LRRC4B: variants seen among roughly 807,000 people sequenced by gnomAD.
LRRC4B encodes leucine rich repeat containing 4B.
In LRRC4B, 1 loss-of-function variant was observed where a neutral mutation model predicts 7.3. The observed-to-expected ratio is 0.14, with a 90% CI of 0.05 to 0.65. LRRC4B has a LOEUF of 0.65. Ranked by LOEUF, LRRC4B falls within the 30% of genes least tolerant of loss-of-function variation. The pLI, the probability that LRRC4B is intolerant of heterozygous loss-of-function variation, is 0.84. For missense variants in LRRC4B, 730 were observed against 1,041.6 expected, an observed-to-expected ratio of 0.70 and a Z score of 4.12; for synonymous variants, 500 against 499.2, an observed-to-expected ratio of 1.00 and a Z score of -0.02.
chr19:50,539,842 G>A (rs983820383), intron 2 of LRRC4B, among the ~76,000 whole-genome samples: 3 of 149,546 alleles, frequency 2.0e-5, no homozygotes, highest in Non-Finnish European at 4.4e-5. Flanking sequence ...AACCGAGATC[G>A]CGCCACTGCA....
At chr19:50,541,783 A>G (rs1368785469) in intron 2 of LRRC4B, among the ~76,000 whole-genome samples, 1 of 152,186 alleles carries the variant, frequency 6.6e-6, no homozygotes, top group Non-Finnish European at 1.5e-5. Context: ...CTCTGGGTAT[A>G]TATTCCACAG....
intron 1 of LRRC4B, among the ~76,000 whole-genome samples, chr19:50,558,863 G>A (rs1982369251): frequency 6.6e-6 from 1 of 152,244 alleles, no homozygotes. Flanking sequence ...GGGACTCATG[G>A]AGAAGCCAGG....
intron 2 of LRRC4B, among the ~76,000 whole-genome samples, chr19:50,540,598 C>T (rs933987191): frequency 3.9e-5 from 6 of 151,984 alleles, no homozygotes; most frequent in Non-Finnish European, 8.8e-5. Flanking sequence ...TCAGGTGATC[C>T]ACCCACCTCA....
intron 2 of LRRC4B, among the ~76,000 whole-genome samples, chr19:50,523,395 AGG>A (rs753963458): frequency 3.7e-4 from 56 of 152,200 alleles, no homozygotes; most frequent in Middle Eastern, 3.4e-3. Context: ...AGAGAAAAAG[AGG>A]CCGGGCGTGG....
chr19:50,522,570 G>A (rs567204120), intron 2 of LRRC4B, among the ~76,000 whole-genome samples: 6 of 152,152 alleles, frequency 3.9e-5, no homozygotes, highest in Non-Finnish European at 7.4e-5. Flanking sequence ...TCTGCCTGCC[G>A]GGTTCAAGTG....
chr19:50,548,897 G>A lies in LRRC4B; in HGVS notation c.-35-24C>T. The stretch of plus-strand genomic sequence containing the variant: ...GGCTGTGGGTGGGGGAGAGAAGGGG[G>A]AGAGGCTTGGTGAGGGACAGGAGCC... On this transcript the variant is annotated intron_variant, in intron 1 of 2. Transcript: ENST00000652263. This position sits in a 1 kb window ranked among gnomAD's most constrained non-coding sequence, Gnocchi z 6.8. 2.0e-6 allele frequency: 2 copies of A among 1,002,498 alleles called. No homozygotes were observed. The highest frequency in any genetic ancestry group is 2.8e-6 in the Non-Finnish European group (2 of 707,188). 62.1% of individuals were successfully genotyped at this position (1,002,498 alleles called of 1,614,324 possible). A position where few individuals can be genotyped will look rare whatever the true frequency, so the allele number is the denominator to read the frequency against.
rs1042167105 is a variant in LRRC4B at position 50,556,808 on chromosome 19, T to C, written c.-35-7935A>G. Among the ~76,000 whole-genome samples the C allele has an allele frequency of 2.0e-5, 3 of 150,860 alleles. No homozygotes were observed. Among genetic ancestry groups the C allele is most frequent in the Admixed American group, 1.3e-4 (2 of 15,150 alleles). ...CCCGAGGCAAGGAGCCCTGGGTCTC[T>C]AGGGAGGCAAGTGTGGGGGTGGGGG... is the stretch of plus-strand genomic sequence containing the variant. On this transcript the variant is annotated intron_variant, in intron 1 of 2. Transcript: ENST00000652263. This position sits in a 1 kb window ranked among gnomAD's most constrained non-coding sequence, Gnocchi z 4.2.
intron 1 of LRRC4B, among the ~76,000 whole-genome samples, chr19:50,559,501 G>A (rs771922527): frequency 9.2e-5 from 14 of 152,334 alleles, no homozygotes; most frequent in South Asian, 6.2e-4. Context: ...GGGATGGGGC[G>A]GCTTAACACC....
chr19:50,518,687 C>A lies in LRRC4B; in HGVS notation c.1026G>T (p.Ala342=), dbSNP rs762275492. 6.2e-6 allele frequency: 10 copies of A among 1,613,568 alleles called. No homozygotes were observed. The Admixed American group carries it at 1.5e-4, about 24-fold the overall frequency. Residue 342 remains alanine, a synonymous_variant, in exon 3 of 3, where the codon GCG becomes GCT. Coordinates refer to ENST00000652263, the MANE Select transcript of LRRC4B (RefSeq NM_001080457.2). ...SNTTCCARCH[A]PAGLKGRYIG... is the part of the protein sequence containing the mutation. The stretch of plus-strand genomic sequence containing the variant: ...TGTAGCGCCCCTTGAGGCCGGCGGG[C>A]GCATGACAGCGGGCGCAGCACGTCG...
rs1057240774 is a variant in LRRC4B at position 50,546,060 on chromosome 19, C to T, written c.297+2482G>A. On this transcript the variant is annotated intron_variant, in intron 2 of 2. Transcript: ENST00000652263. ...CTTTTTAAAGAGCCTCTGGGCCAGG[C>T]GTGGTGGCTCACGCCTGTAATCCCA... Among the ~76,000 whole-genome samples the T allele has an allele frequency of 8.7e-5, 13 of 149,468 alleles. No homozygotes were observed. In the East Asian group the frequency reaches 1.1e-3, roughly 12 times the overall value.
At chr19:50,534,599 A>C (rs1981183818) in intron 2 of LRRC4B, among the ~76,000 whole-genome samples, 1 of 152,210 alleles carries the variant, frequency 6.6e-6, no homozygotes, top group Non-Finnish European at 1.5e-5. Flanking sequence ...TCAATGATGC[A>C]GATGTGAATC....
At chr19:50,535,160 G>A (rs972776827) in intron 2 of LRRC4B, among the ~76,000 whole-genome samples, 12 of 151,214 alleles carry the variant, frequency 7.9e-5, no homozygotes, top group South Asian at 2.1e-4. Context: ...GACCCACCAC[G>A]CCCGGCCTGT....
Position 50,529,614 on chromosome 19 carries a change from G to A in LRRC4B, c.298-10199C>T, listed in dbSNP as rs138199249. ...GAGGTCAGGAGTTCAAGACTAGCCT[G>A]GCCAATGTGGTGAAACCCCGTCTCT... On this transcript the variant is annotated intron_variant, in intron 2 of 2. Transcript: ENST00000652263. 9.0e-3 allele frequency among the ~76,000 whole-genome samples: 1,368 copies of A among 152,130 alleles called. 26 individuals are homozygous for A. Among genetic ancestry groups the A allele is most frequent in the African/African-American group, 0.031 (1,279 of 41,492 alleles).
At chr19:50,535,314 A>G (rs1011909360) in intron 2 of LRRC4B, among the ~76,000 whole-genome samples, 3 of 152,132 alleles carry the variant, frequency 2.0e-5, no homozygotes, top group African/African-American at 7.2e-5. Flanking sequence ...CTGGGATTGC[A>G]GGTGCAAACA....
At chr19:50,557,128 A>C (rs890987856) in intron 1 of LRRC4B, among the ~76,000 whole-genome samples, 1 of 152,006 alleles carries the variant, frequency 6.6e-6, no homozygotes, top group Non-Finnish European at 1.5e-5. Flanking sequence ...GGGGATGGAG[A>C]GAAGGGAAAG....
In LRRC4B at chr19:50,519,502, G is replaced by C; in HGVS notation, c.298-87C>G. On this transcript the variant is annotated intron_variant, in intron 2 of 2. Transcript: ENST00000652263. This position sits in a 1 kb window ranked among gnomAD's most constrained non-coding sequence, Gnocchi z 8.1. The stretch of plus-strand genomic sequence containing the variant: ...CAAGGTCCCGGGCGCAGGTGGGGCC[G>C]TGTGGCTGGATCTCCCGTGCTGTGC... The C allele has an allele frequency of 2.1e-6, 3 of 1,452,634 alleles. No homozygotes were observed. Among genetic ancestry groups the C allele is most frequent in the South Asian group, 1.4e-5 (1 of 70,264 alleles). 90.0% of individuals were successfully genotyped at this position (1,452,634 alleles called of 1,614,324 possible).
Position 50,556,288 on chromosome 19 carries a change from G to A in LRRC4B, c.-35-7415C>T, listed in dbSNP as rs28578092. On this transcript the variant is annotated intron_variant, in intron 1 of 2. Coordinates refer to ENST00000652263, the MANE Select transcript of LRRC4B (RefSeq NM_001080457.2). This position sits in a 1 kb window ranked among gnomAD's most constrained non-coding sequence, Gnocchi z 4.2. ...GGTGGGGGTGAGGTGCAGTGGGTGG[G>A]GGTGAGGTGGTGACTTGCTTGGAGG... Among the ~76,000 whole-genome samples the A allele has an allele frequency of 6.6e-6, 1 of 151,848 alleles. No individual in the cohort carries two copies. The highest frequency in any genetic ancestry group is 1.5e-5 in the Non-Finnish European group (1 of 67,928).
chr19:50,564,781 G>T (rs1481382999), intron 1 of LRRC4B, among the ~76,000 whole-genome samples: 1 of 152,004 alleles, frequency 6.6e-6, no homozygotes, highest in Non-Finnish European at 1.5e-5. Context: ...TACACAGCAG[G>T]TGTCCTAGCA....
At position 50,548,239 on chromosome 19, in the gene LRRC4B, T is replaced by G. The variant is rs113799716; in HGVS notation, c.297+303A>C. ...GGGTTGCTCTCCACACCCCAGGGAC[T>G]CCAGGGCTCGGCCTAGGCCGACCCG... On this transcript the variant is annotated intron_variant, in intron 2 of 2. Coordinates refer to ENST00000652263, the MANE Select transcript of LRRC4B (RefSeq NM_001080457.2). This position sits in a 1 kb window ranked among gnomAD's most constrained non-coding sequence, Gnocchi z 6.8. Among the ~76,000 whole-genome samples, 909 of 152,228 alleles carry G rather than the reference T, an allele frequency of 6.0e-3. 12 individuals carry two copies. Among genetic ancestry groups the G allele is most frequent in the African/African-American group, 0.02 (827 of 41,550 alleles).
Sources: gnomAD v4.1 joint callset for allele counts (sites outside exome capture counted in the v4.1 genomes callset) on GRCh38, gnomAD v4.1.1 for gene constraint, Gnocchi (gnomAD v3.1) non-coding constraint, MANE v1.5 for transcripts, NCBI Gene and HGNC (gene_info 2026-07-23, HGNC 2026-07-21) for gene names.